Variants in KHDRBS2 observed in about 807,000 individuals in gnomAD.
KHDRBS2 encodes the protein KH RNA binding domain containing, signal transduction associated 2, also known as KH domain-containing, RNA-binding, signal transduction-associated protein 2.
Under a neutral mutation model 44.3 loss-of-function variants are expected in KHDRBS2, and 26 were observed. The observed-to-expected ratio is 0.59, with a 90% CI of 0.43 to 0.81. The LOEUF (loss-of-function observed/expected upper bound fraction) is 0.81, where lower values mean the gene tolerates loss of function less well. KHDRBS2 is among the 40% of genes least tolerant of loss of function. KHDRBS2 has a pLI of 0.00. For synonymous variants in KHDRBS2, 194 were observed against 151.1 expected (o/e 1.28, Z -2.08); for missense variants, 476 against 433.1 (o/e 1.10, Z -0.88).
At chr6:61,938,817 G>A (rs532893821) in intron 4 of KHDRBS2, among the ~76,000 whole-genome samples, 4 of 152,110 alleles carry the variant, frequency 2.6e-5, no homozygotes, top group Admixed American at 2.0e-4. Flanking sequence ...AGAGAAAAAA[G>A]CAAAATTGTT....
chr6:61,655,665 G>C, the KHDRBS2 span, among the ~76,000 whole-genome samples: 2 of 152,060 alleles, frequency 1.3e-5, no homozygotes. Context: ...AATTTGGCTA[G>C]AAATGCTCAT....
At chr6:61,672,719 T>G in the KHDRBS2 span, among the ~76,000 whole-genome samples, 6 of 151,940 alleles carry the variant, frequency 3.9e-5, no homozygotes, top group Non-Finnish European at 7.4e-5. Context: ...TAAATTTGTT[T>G]GAGTTCATTG....
chr6:61,674,569 CT>C, the KHDRBS2 span, among the ~76,000 whole-genome samples: 1 of 151,702 alleles, frequency 6.6e-6, no homozygotes, highest in Admixed American at 6.6e-5. Flanking sequence ...AGCATATATG[CT>C]CAAAAACCAG....
intron 4 of KHDRBS2, among the ~76,000 whole-genome samples, chr6:61,937,416 T>C (rs1305523604): frequency 1.3e-5 from 2 of 152,114 alleles, no homozygotes; most frequent in Admixed American, 1.3e-4. Flanking sequence ...CTTCTAGTTG[T>C]TATTTCTAAC....
At chr6:61,706,497 C>G (rs1435817010) in intron 7 of KHDRBS2, among the ~76,000 whole-genome samples, 1 of 151,752 alleles carries the variant, frequency 6.6e-6, no homozygotes, top group African/African-American at 2.4e-5. Flanking sequence ...AGACTGGAAA[C>G]TATGCCAGGT....
At chr6:62,064,842 G>A (rs1316092875) in intron 2 of KHDRBS2, among the ~76,000 whole-genome samples, 2 of 150,574 alleles carry the variant, frequency 1.3e-5, no homozygotes, top group Non-Finnish European at 3.0e-5. Flanking sequence ...GAGTGAACAG[G>A]CAACCTACAA....
At chr6:62,260,774 G>A (rs1353826888) in intron 1 of KHDRBS2, among the ~76,000 whole-genome samples, 1 of 151,844 alleles carries the variant, frequency 6.6e-6, no homozygotes, top group Non-Finnish European at 1.5e-5. Context: ...TGATTGTGGG[G>A]AATTTTAGGT....
chr6:62,039,205 C>T (rs1785941848), intron 3 of KHDRBS2, among the ~76,000 whole-genome samples: 1 of 150,684 alleles, frequency 6.6e-6, no homozygotes, highest in Non-Finnish European at 1.5e-5. Context: ...TTGATCGGTG[C>T]TTTCTATTAA....
chr6:62,279,440 C>T (rs1458675383), intron 1 of KHDRBS2, among the ~76,000 whole-genome samples: 1 of 152,138 alleles, frequency 6.6e-6, no homozygotes, highest in Non-Finnish European at 1.5e-5. Flanking sequence ...AGGTCAGCAT[C>T]ATTCAGTTAA....
the KHDRBS2 span, among the ~76,000 whole-genome samples, chr6:61,645,942 T>C: frequency 4.5e-4 from 68 of 152,282 alleles, no homozygotes; most frequent in African/African-American, 1.5e-3. Flanking sequence ...AGTAAACACA[T>C]ATATTTTTGT....
At chr6:61,865,002 C>A (rs374329012) in intron 6 of KHDRBS2, among the ~76,000 whole-genome samples, 1 of 152,092 alleles carries the variant, frequency 6.6e-6, no homozygotes, top group South Asian at 2.1e-4. Context: ...TCTTTTCTGC[C>A]TGTCTTATTT....
intron 6 of KHDRBS2, among the ~76,000 whole-genome samples, chr6:61,785,852 T>G (rs1164026924): frequency 6.6e-6 from 1 of 152,134 alleles, no homozygotes; most frequent in East Asian, 1.9e-4. Flanking sequence ...TGAAATGAGC[T>G]TTCATTGTCA....
chr6:62,072,756 A>C (rs1795457702), intron 2 of KHDRBS2, among the ~76,000 whole-genome samples: 2 of 152,234 alleles, frequency 1.3e-5, no homozygotes, highest in Admixed American at 1.3e-4. Flanking sequence ...TATTTTATTG[A>C]GGATTTTTGC....
chr6:62,057,734 A>G (rs1352173270), intron 2 of KHDRBS2, among the ~76,000 whole-genome samples: 1 of 151,958 alleles, frequency 6.6e-6, no homozygotes, highest in East Asian at 1.9e-4. Context: ...AATATCTTCA[A>G]ATAATTTCAA....
At chr6:61,779,030 G>A (rs1782529880) in intron 6 of KHDRBS2, among the ~76,000 whole-genome samples, 1 of 151,994 alleles carries the variant, frequency 6.6e-6, no homozygotes, top group Admixed American at 6.6e-5. Context: ...GTTTCTAATT[G>A]CTTTAAGGAA....
the KHDRBS2 span, among the ~76,000 whole-genome samples, chr6:61,569,606 T>A: frequency 2.0e-5 from 3 of 152,106 alleles, no homozygotes; most frequent in African/African-American, 7.2e-5. Flanking sequence ...ACAGCTAGCA[T>A]AACCAGCATT....
rs142933509 is a variant in KHDRBS2, at chr6:62,157,253, G to A, written c.219+19932C>T. On this transcript the variant is annotated intron_variant, in intron 2 of 8. Transcript: ENST00000281156. ...CAGGAGAATCCCTTGAACCCAGGAGGGGGAGGTTGCAGTCAGTGAGCCAAG... is the reference window on the plus strand; with the variant it reads ...CAGGAGAATCCCTTGAACCCAGGAGAGGGAGGTTGCAGTCAGTGAGCCAAG... Among the ~76,000 whole-genome samples, 1,152 of 151,694 alleles carry A rather than the reference G, an allele frequency of 7.6e-3. 12 individuals carry two copies. Among genetic ancestry groups the A allele is most frequent in the African/African-American group, 0.026 (1,078 of 41,416 alleles).
At chr6:61,956,870 C>T (rs1305963951) in intron 4 of KHDRBS2, among the ~76,000 whole-genome samples, 1 of 151,552 alleles carries the variant, frequency 6.6e-6, no homozygotes, top group South Asian at 2.1e-4. Context: ...AGAATAGCAC[C>T]TTATGCATAG....
Position 61,874,719 on chromosome 6 carries a change from T to C in KHDRBS2, c.810+19916A>G, listed in dbSNP as rs748866338. ...AGCCAAGTCCGAACAATCAAGGAAA[T>C]TGAGTAGAGGTTAGCTTAGAAGCAC... On this transcript the variant is annotated intron_variant, in intron 6 of 8. Coordinates refer to ENST00000281156, the MANE Select transcript of KHDRBS2 (RefSeq NM_152688.4). Among the ~76,000 whole-genome samples the C allele has an allele frequency of 9.4e-4, 143 of 152,022 alleles. 3 individuals are homozygous for C. The highest frequency in any genetic ancestry group is 2.4e-4 in the Non-Finnish European group (16 of 68,008).
Sources: allele counts gnomAD v4.1 joint callset (sites outside exome capture counted in the v4.1 genomes callset), GRCh38; gene constraint gnomAD v4.1.1; transcripts MANE v1.5; gene names NCBI Gene and HGNC (gene_info 2026-07-23, HGNC 2026-07-21).